NLK: variants seen among roughly 807,000 people sequenced by gnomAD.
NLK encodes the protein serine/threonine-protein kinase NLK.
In NLK, 11 loss-of-function variants were observed where a neutral mutation model predicts 59.0. That is an observed-to-expected ratio of 0.19 (90% CI 0.12 to 0.31). The LOEUF (loss-of-function observed/expected upper bound fraction) is 0.31. Among genes scored for constraint, NLK ranks in the 10% least tolerant of loss-of-function variants. The probability of loss-of-function intolerance (pLI) is 1.00; values close to 1 mark genes in which losing one functional copy is unlikely to be tolerated. For missense variants in NLK, 410 were observed against 661.1 expected (o/e 0.62, Z 4.16); for synonymous variants, 235 against 235.9 (o/e 1.00, Z 0.03).
chr17:28,162,033 TCAGA>T (rs1390580671), intron 4 of NLK, among the ~76,000 whole-genome samples: 1 of 152,122 alleles, frequency 6.6e-6, no homozygotes, highest in East Asian at 1.9e-4. Flanking sequence ...AATTTTTTTT[TCAGA>T]CAGAGTCTTG....
In NLK at chr17:28,068,842, C is replaced by T. The variant is rs192689217; in HGVS notation, c.458+25511C>T. Among the ~76,000 whole-genome samples, 306 of 152,194 alleles carry T rather than the reference C, an allele frequency of 2.0e-3. 4 individuals are homozygous for T. The highest frequency in any genetic ancestry group is 7.0e-3 in the African/African-American group (291 of 41,508). ...TATAGGCATGTGCCACCACACCAGGCTAATTTTTAAAATTTTTATAGAGAT... is the reference window on the plus strand; with the variant it reads ...TATAGGCATGTGCCACCACACCAGGTTAATTTTTAAAATTTTTATAGAGAT... On this transcript the variant is annotated intron_variant, in intron 1 of 10. Coordinates refer to ENST00000407008, the MANE Select transcript of NLK (RefSeq NM_016231.5).
intron 1 of NLK, among the ~76,000 whole-genome samples, chr17:28,110,058 C>G (rs1905395340): frequency 1.3e-5 from 2 of 152,114 alleles, no homozygotes; most frequent in Admixed American, 1.3e-4. Flanking sequence ...GAAGTGTTCC[C>G]TTATTTAAAT....
rs112523215 is a variant in NLK, at chr17:28,129,874, C to T, written c.589-2746C>T. 8.9e-3 allele frequency among the ~76,000 whole-genome samples: 1,348 copies of T among 152,058 alleles called. 20 individuals are homozygous for T. Among genetic ancestry groups the T allele is most frequent in the African/African-American group, 0.031 (1,270 of 41,484 alleles). On this transcript the variant is annotated intron_variant, in intron 2 of 10. Transcript: ENST00000407008. ...AGACTAAGCTATTTTCTTATGTAAC[C>T]AGTTTATAGTGAATCTTCTAACATC...
chr17:28,062,952 T>C (rs751133613), intron 1 of NLK, among the ~76,000 whole-genome samples: 1 of 152,200 alleles, frequency 6.6e-6, no homozygotes, highest in Non-Finnish European at 1.5e-5. Flanking sequence ...TTATTTTGGT[T>C]TTTGAGACAG....
At chr17:28,059,180 T>A (rs1257577237) in intron 1 of NLK, among the ~76,000 whole-genome samples, 1 of 152,096 alleles carries the variant, frequency 6.6e-6, no homozygotes, top group Non-Finnish European at 1.5e-5. Context: ...TATTAAAAGA[T>A]CCCGATTTCT....
At chr17:28,066,281 C>T (rs1909820792) in intron 1 of NLK, among the ~76,000 whole-genome samples, 1 of 152,208 alleles carries the variant, frequency 6.6e-6, no homozygotes. Flanking sequence ...TTGTCCATCA[C>T]TGTCTCTGCC....
intron 3 of NLK, among the ~76,000 whole-genome samples, chr17:28,153,439 T>G (rs2142041018): frequency 6.6e-6 from 1 of 152,294 alleles, no homozygotes; most frequent in African/African-American, 2.4e-5. Context: ...AGGGCCCATT[T>G]CCTAGTTGAC....
intron 3 of NLK, among the ~76,000 whole-genome samples, chr17:28,140,137 G>A (rs1326494328): frequency 1.3e-5 from 2 of 152,214 alleles, no homozygotes; most frequent in South Asian, 2.1e-4. Context: ...GTTGGCCAGA[G>A]TTTGATATGC....
chr17:28,131,586 T>TAAAAAAAAAAAAAAAAAAA (rs35804817), intron 2 of NLK, among the ~76,000 whole-genome samples: 4 of 83,730 alleles, frequency 4.8e-5, no homozygotes, highest in African/African-American at 1.4e-4. Context: ...TTCTCTGTAG[T>TAAAAAAAAAAAAAAAAAAA]AAAAAAAAAA....
intron 7 of NLK, among the ~76,000 whole-genome samples, chr17:28,178,197 A>G (rs894494585): frequency 1.3e-5 from 2 of 152,124 alleles, no homozygotes; most frequent in Non-Finnish European, 2.9e-5. Flanking sequence ...TAGCCATCCC[A>G]TTGTCTGTCC....
At chr17:28,069,056 A>G (rs1343782110) in intron 1 of NLK, among the ~76,000 whole-genome samples, 1 of 152,212 alleles carries the variant, frequency 6.6e-6, no homozygotes, top group Non-Finnish European at 1.5e-5. Context: ...AAGTTCACTC[A>G]AGTAAATTCT....
intron 1 of NLK, among the ~76,000 whole-genome samples, chr17:28,097,435 T>A (rs964341217): frequency 1.3e-5 from 2 of 152,186 alleles, no homozygotes; most frequent in Non-Finnish European, 2.9e-5. Flanking sequence ...CAAACTTACA[T>A]ATATTTATTC....
intron 1 of NLK, among the ~76,000 whole-genome samples, chr17:28,083,942 T>G (rs1406844695): frequency 3.3e-5 from 5 of 152,146 alleles, no homozygotes; most frequent in Non-Finnish European, 7.4e-5. Context: ...TCCCACTAGA[T>G]AGCAGACTTC....
chr17:28,143,234 G>A (rs1242439141), intron 3 of NLK, among the ~76,000 whole-genome samples: 2 of 151,892 alleles, frequency 1.3e-5, no homozygotes, highest in Non-Finnish European at 2.9e-5. Context: ...AATAGATACA[G>A]GATTTCACCA....
intron 3 of NLK, among the ~76,000 whole-genome samples, chr17:28,151,232 G>A (rs1375972811): frequency 2.0e-5 from 3 of 152,114 alleles, no homozygotes; most frequent in African/African-American, 7.2e-5. Context: ...TGAGACATCT[G>A]GGAGACATTA....
chr17:28,197,686 G>C (rs1358264153), downstream of NLK, among the ~76,000 whole-genome samples: 1 of 152,020 alleles, frequency 6.6e-6, no homozygotes, highest in African/African-American at 2.4e-5. Flanking sequence ...TGTGGAAGAT[G>C]CAGATTATCT....
chr17:28,135,782 T>TACCTTATAGTTCAGGC (rs1214720223), intron 3 of NLK, among the ~76,000 whole-genome samples: 1 of 152,278 alleles, frequency 6.6e-6, no homozygotes, highest in East Asian at 1.9e-4. Flanking sequence ...ATCCATTTTC[T>TACCTTATAGTTCAGGC]ACCTTATAGT....
intron 1 of NLK, chr17:28,048,017 A>G: frequency 2.5e-6 from 1 of 398,406 alleles, no homozygotes. Context: ...AGAGCTTTGA[A>G]GAAGCAGAGC....
chr17:28,148,278 T>C (rs1053878245), intron 3 of NLK, among the ~76,000 whole-genome samples: 1 of 152,070 alleles, frequency 6.6e-6, no homozygotes, highest in Admixed American at 6.6e-5. Context: ...AGTTCCTTTT[T>C]TTATATACAC....
Sources: allele counts gnomAD v4.1 joint callset (sites outside exome capture counted in the v4.1 genomes callset), GRCh38; gene constraint gnomAD v4.1.1; transcripts MANE v1.5; gene names NCBI Gene and HGNC (gene_info 2026-07-23, HGNC 2026-07-21).